The following CACNA1C variants were observed in gnomAD, a reference collection of about 807,000 sequenced individuals.
CACNA1C encodes voltage-dependent L-type calcium channel subunit alpha-1C.
Under a neutral mutation model 229.0 loss-of-function variants are expected in CACNA1C, and 30 were observed. That is an observed-to-expected ratio of 0.13 (90% CI 0.10 to 0.18). The LOEUF is 0.18. Ranked by LOEUF, CACNA1C falls within the 10% of genes least tolerant of loss-of-function variation. The pLI is 1.00. For missense variants in CACNA1C, 1,658 were observed against 2,845.0 expected (o/e 0.58, Z 9.49); for synonymous variants, 1,114 against 1,132.5 (o/e 0.98, Z 0.33).
At chr12:2,004,421 A>G (rs1436738676) in intron 1 of CACNA1C, 1 of 1,609,580 alleles carries the variant, frequency 6.2e-7, no homozygotes, top group African/African-American at 1.3e-5. Flanking sequence ...GCCTGCCGCC[A>G]CGGCTGCCAT....
intron 3 of CACNA1C, among the ~76,000 whole-genome samples, chr12:2,394,770 A>G (rs1302836567): frequency 6.6e-6 from 1 of 152,170 alleles, no homozygotes; most frequent in Non-Finnish European, 1.5e-5. Flanking sequence ...GCTAGAGCCC[A>G]CGTTTGGAGA....
In CACNA1C at chr12:2,584,543, C is replaced by T. The variant is rs1391950974; in HGVS notation, c.2265C>T (p.Asn755=). 6.2e-7 allele frequency: 1 copy of T among 1,613,856 alleles called. No homozygotes were observed. Among genetic ancestry groups the T allele is most frequent in the South Asian group, 1.1e-5 (1 of 91,058 alleles). ...TGTTCTTGGCCATTGCTGTGGACAA[C>T]CTGGCTGATGCTGAGAGCCTCACAT... ...LNVFLAIAVD[N]LADAESLTSA... Residue 755 remains asparagine, a synonymous_variant, in exon 16 of 47, where the codon AAC becomes AAT. Coordinates refer to ENST00000399655, the MANE Select transcript of CACNA1C (RefSeq NM_000719.7).
intron 3 of CACNA1C, among the ~76,000 whole-genome samples, chr12:2,439,810 G>A (rs1244094306): frequency 6.6e-6 from 1 of 151,910 alleles, no homozygotes; most frequent in East Asian, 1.9e-4. Flanking sequence ...CAATAAATAG[G>A]TGCATTGTTC....
intron 3 of CACNA1C, among the ~76,000 whole-genome samples, chr12:2,157,542 C>T (rs1000821469): frequency 2.6e-5 from 4 of 152,228 alleles, no homozygotes; most frequent in African/African-American, 9.6e-5. Flanking sequence ...AGAAGATCTG[C>T]GTGGCTTTCC....
Position 2,486,217 on chromosome 12 carries a change from A to T in CACNA1C, c.871A>T (p.Met291Leu). The T allele has an allele frequency of 1.2e-6, 2 of 1,613,628 alleles. No individual in the cohort carries two copies. Among genetic ancestry groups the T allele is most frequent in the Non-Finnish European group, 1.7e-6 (2 of 1,179,776 alleles). The stretch of plus-strand genomic sequence containing the variant: ...CGCCATCATCGGCTTGGAGCTCTTC[A>T]TGGGGAAGATGCACAAGACCTGCTA... Reference protein sequence around the residue: ...IYAIIGLELFMGKMHKTCYNQ... With the variant: ...IYAIIGLELFLGKMHKTCYNQ... Residue 291 changes from methionine to leucine, a missense_variant, in exon 6 of 47, where the codon ATG becomes TTG. Transcript: ENST00000399655. This position sits in a 1 kb window ranked among gnomAD's most constrained non-coding sequence, Gnocchi z 4.9.
At chr12:1,991,140 T>G (rs1407360474) in intron 1 of CACNA1C, 1 of 456,128 alleles carries the variant, frequency 2.2e-6, no homozygotes, top group Admixed American at 2.3e-5. Context: ...GCATCCATGT[T>G]TAATAGTAGA....
At chr12:2,438,376 G>GATGGTGGTGGTT in intron 3 of CACNA1C, among the ~76,000 whole-genome samples, 1 of 146,420 alleles carries the variant, frequency 6.8e-6, no homozygotes, top group Non-Finnish European at 1.5e-5. Flanking sequence ...TGGTGGTGGT[G>GATGGTGGTGGTT]ATGGTGGTCA....
intron 3 of CACNA1C, among the ~76,000 whole-genome samples, chr12:2,218,983 A>T (rs948916115): frequency 6.6e-6 from 1 of 152,180 alleles, no homozygotes; most frequent in Non-Finnish European, 1.5e-5. Context: ...GGAAACTGTC[A>T]GTTTGTAAAT....
chr12:2,483,734 G>A (rs1344240600), intron 5 of CACNA1C, among the ~76,000 whole-genome samples: 1 of 152,140 alleles, frequency 6.6e-6, no homozygotes, highest in African/African-American at 2.4e-5. Flanking sequence ...GGACGGGGAT[G>A]TGAGGAACAG....
chr12:2,180,898 C>A (rs1431484820), intron 3 of CACNA1C, among the ~76,000 whole-genome samples: 1 of 152,144 alleles, frequency 6.6e-6, no homozygotes, highest in Non-Finnish European at 1.5e-5. Context: ...ATACTGCAGC[C>A]ACGCATCCTG....
At position 2,586,329 on chromosome 12, in the gene CACNA1C, A is replaced by G. The variant is rs527354888; in HGVS notation, c.2530+425A>G. On this transcript the variant is annotated intron_variant, in intron 18 of 46. Coordinates refer to ENST00000399655, the MANE Select transcript of CACNA1C (RefSeq NM_000719.7). ...AGTGCCGAGTGCAGGGACAGCTGCC[A>G]CCACAGATGTCCCACTTGTTGCTTT... 6.6e-5 allele frequency among the ~76,000 whole-genome samples: 10 copies of G among 152,326 alleles called. No homozygotes were observed. The East Asian group carries it at 1.9e-3, about 29-fold the overall frequency.
At chr12:2,261,813 G>A (rs998854343) in intron 3 of CACNA1C, among the ~76,000 whole-genome samples, 7 of 152,222 alleles carry the variant, frequency 4.6e-5, no homozygotes, top group African/African-American at 1.4e-4. Flanking sequence ...CCATCTGGCT[G>A]GGGGGAGCCC....
chr12:2,576,040 G>A (rs965207927), intron 13 of CACNA1C, among the ~76,000 whole-genome samples: 1 of 152,172 alleles, frequency 6.6e-6, no homozygotes, highest in Non-Finnish European at 1.5e-5. Flanking sequence ...AGAGGGAAAA[G>A]GTAACAGAAG....
At chr12:2,477,021 C>G (rs2099633273) in intron 5 of CACNA1C, among the ~76,000 whole-genome samples, 1 of 152,228 alleles carries the variant, frequency 6.6e-6, no homozygotes, top group Non-Finnish European at 1.5e-5. Context: ...CAAGAGAGAA[C>G]TATCTGCCTT....
intron 3 of CACNA1C, among the ~76,000 whole-genome samples, chr12:2,214,250 G>A (rs2059408451): frequency 1.3e-5 from 2 of 152,160 alleles, no homozygotes; most frequent in Admixed American, 1.3e-4. Context: ...CTGAGGAGGG[G>A]TTCATGTGAA....
rs185567884 is a variant in CACNA1C, at chr12:2,379,009, C to T, written c.478-69967C>T. 6.0e-4 allele frequency among the ~76,000 whole-genome samples: 92 copies of T among 152,304 alleles called. 1 individual carries two copies. Among genetic ancestry groups the T allele is most frequent in the Admixed American group, 1.4e-3 (22 of 15,298 alleles). On this transcript the variant is annotated intron_variant, in intron 3 of 46. Coordinates refer to ENST00000399655, the MANE Select transcript of CACNA1C (RefSeq NM_000719.7). ...GAGAAACCACAGGAGGGAAGGAGAA[C>T]AGCGAGAAAAATACTGTTTTCTTTT...
At chr12:2,252,749 C>A (rs11609090) in intron 3 of CACNA1C, among the ~76,000 whole-genome samples, 6,889 of 152,196 alleles carry the variant, frequency 0.045, 184 homozygotes, top group Middle Eastern at 0.071. Context: ...AGGTCAAACC[C>A]CTTCTTTCTT....
At chr12:2,127,185 C>A (rs1043142027) in intron 3 of CACNA1C, among the ~76,000 whole-genome samples, 4 of 152,098 alleles carry the variant, frequency 2.6e-5, no homozygotes, top group Non-Finnish European at 4.4e-5. Flanking sequence ...GCCTGAGGTT[C>A]CCCCATTCCC....
chr12:2,000,759 G>A (rs939069894), intron 1 of CACNA1C, among the ~76,000 whole-genome samples: 11 of 152,132 alleles, frequency 7.2e-5, no homozygotes, highest in Non-Finnish European at 1.5e-4. Flanking sequence ...TAACCAGGCC[G>A]GGCACAGGGG....
Sources: gnomAD v4.1 joint callset for allele counts (sites outside exome capture counted in the v4.1 genomes callset) on GRCh38, gnomAD v4.1.1 for gene constraint, Gnocchi (gnomAD v3.1) non-coding constraint, MANE v1.5 for transcripts, NCBI Gene and HGNC (gene_info 2026-07-23, HGNC 2026-07-21) for gene names.